Variants in ZPBP observed in about 807,000 individuals in gnomAD.
ZPBP encodes zona pellucida-binding protein 1.
Under a neutral mutation model 44.8 loss-of-function variants are expected in ZPBP, and 26 were observed. That is an observed-to-expected ratio of 0.58 (90% CI 0.43 to 0.81). The LOEUF (loss-of-function observed/expected upper bound fraction) is 0.81, where lower values mean the gene tolerates loss of function less well. Ranked by LOEUF, ZPBP falls within the 30% of genes least tolerant of loss-of-function variation. The pLI, the probability that ZPBP is intolerant of heterozygous loss-of-function variation, is 0.00. For synonymous variants in ZPBP, 174 were observed against 153.2 expected (o/e 1.14, Z -1.00); for missense variants, 409 against 434.0 (o/e 0.94, Z 0.51).
intron 6 of ZPBP, among the ~76,000 whole-genome samples, chr7:49,996,046 C>T (rs905263991): frequency 6.6e-6 from 1 of 151,998 alleles, no homozygotes; most frequent in Non-Finnish European, 1.5e-5. Context: ...AATAAATGCT[C>T]GAGGTGATAG....
intron 3 of ZPBP, among the ~76,000 whole-genome samples, chr7:50,076,214 C>T (rs953144130): frequency 2.6e-5 from 4 of 151,766 alleles, no homozygotes; most frequent in Admixed American, 6.6e-5. Context: ...TGATAAAATT[C>T]AACATCCCTT....
At chr7:49,980,970 T>A (rs1357066085) in intron 7 of ZPBP, among the ~76,000 whole-genome samples, 2 of 151,542 alleles carry the variant, frequency 1.3e-5, no homozygotes, top group Non-Finnish European at 2.9e-5. Context: ...TTTTCTTTGA[T>A]TTGGCTAGAG....
chr7:50,025,761 T>A (rs142599394), intron 5 of ZPBP, among the ~76,000 whole-genome samples: 9 of 151,990 alleles, frequency 5.9e-5, no homozygotes, highest in Non-Finnish European at 1.3e-4. Flanking sequence ...GTCTATACTT[T>A]GCTCAATTTT....
At chr7:49,874,895 T>C (rs1296776222) in intron 2 of ZPBP, among the ~76,000 whole-genome samples, 1 of 152,162 alleles carries the variant, frequency 6.6e-6, no homozygotes, top group African/African-American at 2.4e-5. Context: ...GTTCTTCCTA[T>C]TTGTATGAGA....
intron 1 of ZPBP, among the ~76,000 whole-genome samples, chr7:49,925,021 A>G (rs1255851391): frequency 6.6e-6 from 1 of 152,320 alleles, no homozygotes; most frequent in East Asian, 1.9e-4. Context: ...CCTACCTCTG[A>G]TTTGAATGGG....
intron 2 of ZPBP, among the ~76,000 whole-genome samples, chr7:49,852,498 T>G (rs143362205): frequency 1.5e-4 from 23 of 152,318 alleles, no homozygotes; most frequent in African/African-American, 5.5e-4. Flanking sequence ...ATCTTTAAAC[T>G]AACCTTTATA....
intron 2 of ZPBP, among the ~76,000 whole-genome samples, chr7:49,873,976 A>AC (rs1791289544): frequency 6.6e-6 from 1 of 152,116 alleles, no homozygotes; most frequent in African/African-American, 2.4e-5. Context: ...GCAAATTCAA[A>AC]GAAAACCAAT....
chr7:50,084,691 G>T (rs1354078164), intron 2 of ZPBP, among the ~76,000 whole-genome samples: 1 of 151,780 alleles, frequency 6.6e-6, no homozygotes, highest in African/African-American at 2.4e-5. Flanking sequence ...TAGTCAATTG[G>T]AATGGTAATC....
intron 7 of ZPBP, among the ~76,000 whole-genome samples, chr7:49,967,834 G>A (rs1451018731): frequency 3.3e-5 from 5 of 152,100 alleles, no homozygotes; most frequent in Non-Finnish European, 5.9e-5. Flanking sequence ...GCCTGGCTGG[G>A]ATGAGATTTT....
intron 3 of ZPBP, among the ~76,000 whole-genome samples, chr7:50,071,676 G>C (rs958946051): frequency 6.6e-6 from 1 of 152,062 alleles, no homozygotes; most frequent in Non-Finnish European, 1.5e-5. Context: ...TAAGATACCA[G>C]CCCAAGCACA....
intron 1 of ZPBP, among the ~76,000 whole-genome samples, chr7:50,090,531 ATG>A (rs1303262065): frequency 2.6e-5 from 4 of 151,522 alleles, no homozygotes; most frequent in Admixed American, 1.3e-4. Flanking sequence ...GTGTATATAT[ATG>A]TGTGTATATA....
intron 4 of ZPBP, among the ~76,000 whole-genome samples, chr7:50,048,764 C>A (rs755673781): frequency 6.6e-6 from 1 of 151,452 alleles, no homozygotes; most frequent in Non-Finnish European, 1.5e-5. Flanking sequence ...CTTTTATCTT[C>A]GGACAATGAA....
At chr7:49,886,692 T>C (rs114985970) in intron 2 of ZPBP, among the ~76,000 whole-genome samples, 2,133 of 152,270 alleles carry the variant, frequency 0.014, 36 homozygotes, top group African/African-American at 0.048. Flanking sequence ...TACAGATTAT[T>C]TTGTCACCTA....
chr7:49,882,110 A>AAATCTATG (rs1162825392), intron 2 of ZPBP, among the ~76,000 whole-genome samples: 2 of 152,154 alleles, frequency 1.3e-5, no homozygotes, highest in Non-Finnish European at 1.5e-5. Context: ...ATAAACATAG[A>AAATCTATG]TTTATATGTG....
At chr7:49,844,320 T>A in the ZPBP span, among the ~76,000 whole-genome samples, 1 of 152,210 alleles carries the variant, frequency 6.6e-6, no homozygotes, top group East Asian at 1.9e-4. Context: ...GTATTTACAT[T>A]TGGAAATGTC....
intron 7 of ZPBP, among the ~76,000 whole-genome samples, chr7:49,940,399 G>C (rs181950879): frequency 8.1e-4 from 123 of 152,110 alleles, no homozygotes; most frequent in African/African-American, 2.9e-3. Flanking sequence ...GCACCAAGGA[G>C]AAAATACAAA....
chr7:50,015,799 G>A (rs1033293357), intron 6 of ZPBP, among the ~76,000 whole-genome samples: 6 of 151,670 alleles, frequency 4.0e-5, no homozygotes, highest in Admixed American at 3.9e-4. Flanking sequence ...ATATGAAAAA[G>A]CATATGAAAA....
chr7:50,078,527 A>T lies in ZPBP; in HGVS notation c.334+3247T>A, dbSNP rs893257086. Among the ~76,000 whole-genome samples, 10 of 151,108 alleles carry T rather than the reference A, an allele frequency of 6.6e-5. No homozygotes were observed. The East Asian group carries it at 1.3e-3, about 20-fold the overall frequency. On this transcript the variant is annotated intron_variant, in intron 3 of 7. Transcript: ENST00000046087. ...CACCCCATACATATATACACCTACTATGTACCTAAAATTAAAAAAAAATAA... is the reference window on the plus strand; with the variant it reads ...CACCCCATACATATATACACCTACTTTGTACCTAAAATTAAAAAAAAATAA...
At position 50,064,772 on chromosome 7, in the gene ZPBP, C is replaced by T. The variant is rs553119644; in HGVS notation, c.335-6631G>A. 5.3e-5 allele frequency among the ~76,000 whole-genome samples: 8 copies of T among 152,236 alleles called. No homozygotes were observed. In the South Asian group the frequency reaches 1.7e-3, roughly 32 times the overall value. ...TTCAAGGTGCCCACATTTCATATTGCTCAAACACACATGCTGTACAATTTG... is the reference window on the plus strand; with the variant it reads ...TTCAAGGTGCCCACATTTCATATTGTTCAAACACACATGCTGTACAATTTG... On this transcript the variant is annotated intron_variant, in intron 3 of 7. Coordinates refer to ENST00000046087, the MANE Select transcript of ZPBP (RefSeq NM_007009.3).
Sources: allele counts gnomAD v4.1 joint callset (sites outside exome capture counted in the v4.1 genomes callset), GRCh38; gene constraint gnomAD v4.1.1; transcripts MANE v1.5; gene names NCBI Gene and HGNC (gene_info 2026-07-23, HGNC 2026-07-21).